The following TTC28 variants were observed in gnomAD, a reference collection of about 807,000 sequenced individuals.
The protein encoded by TTC28 is tetratricopeptide repeat domain 28, also known as tetratricopeptide repeat protein 28.
Under a neutral mutation model 198.0 loss-of-function variants are expected in TTC28, and 61 were observed. The observed-to-expected ratio is 0.31, with a 90% CI of 0.25 to 0.38. The LOEUF (loss-of-function observed/expected upper bound fraction) is 0.38, where lower values mean the gene tolerates loss of function less well. Ranked by LOEUF, TTC28 falls within the 10% of genes least tolerant of loss-of-function variation. TTC28 has a pLI of 1.00. For synonymous variants in TTC28, 1,171 were observed against 1,297.8 expected, an observed-to-expected ratio of 0.90 and a Z score of 2.10; for missense variants, 2,678 against 3,164.0, an observed-to-expected ratio of 0.85 and a Z score of 3.69.
chr22:28,380,851 G>T (rs575948618), intron 2 of TTC28, among the ~76,000 whole-genome samples: 5 of 152,184 alleles, frequency 3.3e-5, no homozygotes, highest in Admixed American at 3.3e-4. Flanking sequence ...ACAGATGAGT[G>T]CTTGTGTTGG....
chr22:28,619,246 C>G (rs538009759), intron 2 of TTC28, among the ~76,000 whole-genome samples: 74 of 152,244 alleles, frequency 4.9e-4, no homozygotes, highest in African/African-American at 1.6e-3. Flanking sequence ...ATAAAAAACT[C>G]TGTGCTACGT....
intron 2 of TTC28, among the ~76,000 whole-genome samples, chr22:28,596,839 T>C (rs2050550825): frequency 6.6e-6 from 1 of 152,152 alleles, no homozygotes; most frequent in Non-Finnish European, 1.5e-5. Context: ...CAAGTGAAAG[T>C]ATGGAAGTGT....
At chr22:28,504,310 T>G (rs1300995587) in intron 2 of TTC28, among the ~76,000 whole-genome samples, 1 of 152,200 alleles carries the variant, frequency 6.6e-6, no homozygotes, top group Non-Finnish European at 1.5e-5. Context: ...CAAGTAATTT[T>G]GAGTTATATA....
At chr22:28,522,678 C>A (rs1003162873) in intron 2 of TTC28, among the ~76,000 whole-genome samples, 1 of 151,682 alleles carries the variant, frequency 6.6e-6, no homozygotes, top group African/African-American at 2.4e-5. Context: ...TGAAGCACAG[C>A]AAGAATAAAA....
chr22:28,296,235 T>C lies in TTC28; in HGVS notation c.896A>G (p.His299Arg). 1 of 1,550,710 alleles carries C rather than the reference T, an allele frequency of 6.4e-7. No individual in the cohort carries two copies. The highest frequency in any genetic ancestry group is 8.7e-7 in the Non-Finnish European group (1 of 1,146,426). Residue 299 changes from histidine to arginine, a missense_variant, in exon 5 of 23, where the codon CAT becomes CGT. Physicochemically the swap from His to Arg is conservative, Grantham distance 29. Around this residue, in one of 8 missense-constraint regions of TTC28, gnomAD observed 775 missense variants for 845.9 expected, o/e 0.92. Transcript: ENST00000397906. ...GAGTTTCATGGCGAGTACCAACTGA[T>C]GCCTGTGGTTAGTGAGAGCCTCCCG... ...NYREALTNHR[H>R]QLVLAMKLKD... is the part of the protein sequence containing the mutation.
chr22:28,304,790 T>C (rs1210215249), intron 3 of TTC28, among the ~76,000 whole-genome samples: 1 of 152,102 alleles, frequency 6.6e-6, no homozygotes, highest in Admixed American at 6.5e-5. Context: ...AGTATCTTCA[T>C]GAACTAAATA....
At chr22:28,299,980 C>T (rs1324821790) in intron 3 of TTC28, among the ~76,000 whole-genome samples, 1 of 152,094 alleles carries the variant, frequency 6.6e-6, no homozygotes, top group East Asian at 1.9e-4. Context: ...AAAATCATAC[C>T]ACAAACGCTG....
At chr22:28,391,813 T>G (rs1246746090) in intron 2 of TTC28, among the ~76,000 whole-genome samples, 2 of 152,234 alleles carry the variant, frequency 1.3e-5, no homozygotes, top group Non-Finnish European at 2.9e-5. Context: ...CGGAGTAATT[T>G]GATCGTCTGA....
At chr22:28,295,490 GAATA>G (rs1248304172) in intron 5 of TTC28, among the ~76,000 whole-genome samples, 1 of 152,028 alleles carries the variant, frequency 6.6e-6, no homozygotes, top group Non-Finnish European at 1.5e-5. Context: ...ACTGTGTTTG[GAATA>G]AATAGAATAA....
intron 2 of TTC28, among the ~76,000 whole-genome samples, chr22:28,576,036 T>C (rs189748170): frequency 1.3e-5 from 2 of 152,240 alleles, no homozygotes; most frequent in Admixed American, 6.5e-5. Flanking sequence ...CTATGATGAA[T>C]AACAGTGGTG....
intron 2 of TTC28, among the ~76,000 whole-genome samples, chr22:28,612,622 TAACA>T (rs1187277109): frequency 7.9e-5 from 12 of 152,144 alleles, no homozygotes; most frequent in African/African-American, 2.4e-4. Context: ...ATGGAAATCA[TAACA>T]AACAGTCTCT....
At chr22:28,199,705 T>G (rs2147150016) in intron 5 of TTC28, among the ~76,000 whole-genome samples, 1 of 151,874 alleles carries the variant, frequency 6.6e-6, no homozygotes, top group East Asian at 1.9e-4. Flanking sequence ...TAGCAGGAGA[T>G]GTGTGGAGAG....
At chr22:28,161,983 A>C (rs901792933) in intron 6 of TTC28, among the ~76,000 whole-genome samples, 7 of 152,180 alleles carry the variant, frequency 4.6e-5, no homozygotes, top group African/African-American at 1.7e-4. Flanking sequence ...TAAGCATATC[A>C]ATAAGGTCAA....
intron 5 of TTC28, among the ~76,000 whole-genome samples, chr22:28,185,045 C>T (rs961641301): frequency 2.6e-5 from 4 of 152,040 alleles, no homozygotes; most frequent in Admixed American, 6.6e-5. Context: ...TTTAGGTCTG[C>T]GTAAGGATAT....
At chr22:28,320,230 T>C (rs2045424266) in intron 2 of TTC28, among the ~76,000 whole-genome samples, 1 of 151,514 alleles carries the variant, frequency 6.6e-6, no homozygotes, top group Non-Finnish European at 1.5e-5. Context: ...CAAAGACAGA[T>C]GATTTCTTGG....
chr22:28,224,482 C>T (rs1216716891), intron 5 of TTC28, among the ~76,000 whole-genome samples: 1 of 152,076 alleles, frequency 6.6e-6, no homozygotes, highest in Admixed American at 6.6e-5. Context: ...CCCCAGAACC[C>T]AAGTAAGCCA....
At chr22:28,143,849 T>C (rs2092498) in intron 6 of TTC28, among the ~76,000 whole-genome samples, 2,383 of 152,314 alleles carry the variant, frequency 0.016, 82 homozygotes, top group African/African-American at 0.055. Context: ...GAAAAAACTT[T>C]TCTTCCAGCG....
chr22:28,479,376 A>T (rs969570363), intron 2 of TTC28, among the ~76,000 whole-genome samples: 1 of 152,216 alleles, frequency 6.6e-6, no homozygotes, highest in Non-Finnish European at 1.5e-5. Context: ...CAAACCCGTT[A>T]TGGTGACTTC....
At chr22:28,416,395 C>A (rs750221741) in intron 2 of TTC28, among the ~76,000 whole-genome samples, 2 of 152,184 alleles carry the variant, frequency 1.3e-5, no homozygotes, top group African/African-American at 4.8e-5. Flanking sequence ...AGATACTGAT[C>A]CTCCATGTGT....
Sources: gnomAD v4.1 joint callset for allele counts (sites outside exome capture counted in the v4.1 genomes callset) on GRCh38, gnomAD v4.1.1 for gene constraint, gnomAD v4.1.1 regional missense constraint, MANE v1.5 for transcripts, NCBI Gene and HGNC (gene_info 2026-07-23, HGNC 2026-07-21) for gene names.